The following ATP2B3 variants were observed in gnomAD, a reference collection of about 807,000 sequenced individuals.
The protein encoded by ATP2B3 is plasma membrane calcium-transporting ATPase 3.
Under a neutral mutation model 70.8 loss-of-function variants are expected in ATP2B3, and 12 were observed. The observed-to-expected ratio is 0.17, with a 90% CI of 0.11 to 0.27. ATP2B3 has a LOEUF of 0.27. ATP2B3 is among the 10% of genes least tolerant of loss of function. The probability of loss-of-function intolerance (pLI) is 1.00; values close to 1 mark genes in which losing one functional copy is unlikely to be tolerated. For synonymous variants in ATP2B3, 460 were observed against 497.8 expected, an observed-to-expected ratio of 0.92 and a Z score of 1.01; for missense variants, 858 against 1,118.5, an observed-to-expected ratio of 0.77 and a Z score of 3.32.
At chrX:153,565,537 A>G (rs1557017912) in intron 21 of ATP2B3, among the ~76,000 whole-genome samples, 4 of 112,397 alleles carry the variant, frequency 3.6e-5, no homozygotes, top group African/African-American at 1.3e-4. Flanking sequence ...GACACTGTAA[A>G]TGCGATGGGG....
chrX:153,559,806 G>A lies in ATP2B3; in HGVS notation c.2703G>A (p.Thr901=), dbSNP rs782020723. The change falls in exon 18 of 22, where the codon ACG becomes ACA. Residue 901 remains threonine, a synonymous_variant. Coordinates refer to ENST00000263519, the MANE Select transcript of ATP2B3 (RefSeq NM_001001344.3). ...CATTTGCCTCTCTGGCCCTGGCGAC[G>A]GAGCCACCCACAGAGTCGCTGCTGC... ...MDTFASLALA[T]EPPTESLLLR... The A allele has an allele frequency of 5.7e-5, 69 of 1,210,241 alleles. No homozygotes were observed. The South Asian group carries it at 8.3e-4, about 15-fold the overall frequency.
intron 3 of ATP2B3, among the ~76,000 whole-genome samples, chrX:153,540,539 G>C (rs782712123): frequency 7.1e-5 from 8 of 111,937 alleles, no homozygotes; most frequent in Non-Finnish European, 1.5e-4. Flanking sequence ...GCTCCCTGTT[G>C]CCAGCAGCCA....
chrX:153,569,566 G>A (rs376674744), intron 21 of ATP2B3: 13 of 1,204,471 alleles, frequency 1.1e-5, no homozygotes, highest in Non-Finnish European at 1.5e-5. Context: ...CTGGACAACA[G>A]TGCAAGCCAA....
intron 12 of ATP2B3, among the ~76,000 whole-genome samples, chrX:153,552,282 G>A (rs1157690859): frequency 8.9e-6 from 1 of 112,209 alleles, no homozygotes; most frequent in Non-Finnish European, 1.9e-5. Flanking sequence ...TGAGGGTTCC[G>A]TGGGTGAATC....
intron 21 of ATP2B3, among the ~76,000 whole-genome samples, chrX:153,567,647 A>T (rs2090728460): frequency 8.9e-6 from 1 of 112,682 alleles, no homozygotes; most frequent in Non-Finnish European, 1.9e-5. Context: ...CCTGGCTAGT[A>T]GAAGCGAGTC....
At chrX:153,533,410 C>T (rs998348752) in intron 2 of ATP2B3, among the ~76,000 whole-genome samples, 24 of 110,922 alleles carry the variant, frequency 2.2e-4, no homozygotes, top group African/African-American at 7.5e-4. Context: ...GGCGTGCGGT[C>T]GGGGCTCAGA....
rs181539158 is a variant in ATP2B3, at chrX:153,560,878, C to A, written c.3042C>A (p.Phe1014Leu). The change falls in exon 19 of 22, where the codon TTC (phenylalanine) becomes TTA (leucine). Residue 1014 changes from phenylalanine to leucine, a missense_variant. Physicochemically the swap from Phe to Leu is conservative, Grantham distance 22. Transcript: ENST00000263519. ...TCTGCACCATCGTTTTGGGCACTTT[C>A]GGGATTCAGGTAGGAGGGGCGGCTC... is the stretch of plus-strand genomic sequence containing the variant. ...PIFCTIVLGTFGIQIVIVQFG... is the reference protein window; with the variant it reads ...PIFCTIVLGTLGIQIVIVQFG... The A allele has an allele frequency of 8.3e-7, 1 of 1,211,661 alleles. No homozygotes were observed. The highest frequency in any genetic ancestry group is 1.1e-6 in the Non-Finnish European group (1 of 895,397).
chrX:153,533,374 G>A (rs1005992939), intron 2 of ATP2B3, among the ~76,000 whole-genome samples: 1 of 112,051 alleles, frequency 8.9e-6, no homozygotes, highest in South Asian at 3.7e-4. Context: ...ATTCATCGGA[G>A]GTCAGCAGGT....
At chrX:153,529,606 G>A (rs1488790442) in intron 2 of ATP2B3, among the ~76,000 whole-genome samples, 3 of 111,922 alleles carry the variant, frequency 2.7e-5, no homozygotes, top group Non-Finnish European at 3.8e-5. Context: ...TTTTAAGTGT[G>A]CGGCCCAGGG....
At chrX:153,563,673 G>A (rs782339978) in intron 20 of ATP2B3, among the ~76,000 whole-genome samples, 62 of 112,253 alleles carry the variant, frequency 5.5e-4, no homozygotes, top group African/African-American at 1.8e-3. Flanking sequence ...TCTAACCACA[G>A]CCCAGAGGGG....
At chrX:153,535,178 G>T (rs144285559) in intron 2 of ATP2B3, among the ~76,000 whole-genome samples, 4,250 of 113,066 alleles carry the variant, frequency 0.038, 91 homozygotes, top group Middle Eastern at 0.073. Flanking sequence ...GGCCCTAGCG[G>T]ATCCTTGGGT....
chrX:153,569,290 C>T lies in ATP2B3; in HGVS notation c.3342+4187C>T, dbSNP rs782510864. On this transcript the variant is annotated intron_variant, in intron 21 of 21. Coordinates refer to ENST00000263519, the MANE Select transcript of ATP2B3 (RefSeq NM_001001344.3). The stretch of plus-strand genomic sequence containing the variant: ...CAAGGTTGAGAACTATGAAGTACTT[C>T]CTGATAAGTGGCTTGCAAGGGGCAT... 2.1e-5 allele frequency: 11 copies of T among 522,464 alleles called. No homozygotes were observed. The Middle Eastern group carries it at 9.8e-4, about 46-fold the overall frequency. The allele number at this position is 522,464 out of a possible 1,213,427, so 43.1% of individuals were successfully genotyped here.
At chrX:153,542,617 G>A (rs1031650670) in intron 6 of ATP2B3, among the ~76,000 whole-genome samples, 169 bp downstream of exon 6, 3 of 113,056 alleles carry the variant, frequency 2.7e-5, no homozygotes, top group Non-Finnish European at 5.6e-5. Flanking sequence ...AGGCCTGATG[G>A]TGGCAGCTCC....
intron 11 of ATP2B3, 23 bp downstream of exon 11, chrX:153,549,762 G>A (rs781818687): frequency 1.0e-5 from 12 of 1,197,605 alleles, no homozygotes; most frequent in Admixed American, 2.2e-5. Flanking sequence ...AGGAGCGGGC[G>A]GGCAGGGCCG....
chrX:153,551,519 T>C (rs2090456832), intron 12 of ATP2B3, among the ~76,000 whole-genome samples: 1 of 112,007 alleles, frequency 8.9e-6, no homozygotes, highest in Non-Finnish European at 1.9e-5. Context: ...CTGTGGCCTG[T>C]CTTCACTCTC....
intron 10 of ATP2B3, 111 bp downstream of exon 10, chrX:153,548,965 G>C: frequency 1.3e-6 from 1 of 761,916 alleles, no homozygotes; most frequent in Non-Finnish European, 1.9e-6. Flanking sequence ...ATAGCTCAAG[G>C]GAGGAGAGGA....
rs369701657 is a variant in ATP2B3, at chrX:153,549,774, G to T, written c.1581+35G>T. 2.5e-4 allele frequency: 293 copies of T among 1,191,329 alleles called. No homozygotes were observed. In the Middle Eastern group the frequency reaches 0.011, roughly 45 times the overall value. On this transcript the variant is annotated intron_variant, in intron 11 of 21. Coordinates refer to ENST00000263519, the MANE Select transcript of ATP2B3 (RefSeq NM_001001344.3). ...GGCAGGAGCGGGCGGGCAGGGCCGG[G>T]GGCAGGAGCAGGGGAGGGTCCTGGC...
chrX:153,554,366 G>C (rs781862022), intron 13 of ATP2B3, among the ~76,000 whole-genome samples: 1 of 113,405 alleles, frequency 8.8e-6, no homozygotes, highest in Admixed American at 9.2e-5. Context: ...GAGCCATCGA[G>C]TCCCTCTGTT....
chrX:153,522,509 T>C (rs983372795), intron 2 of ATP2B3, among the ~76,000 whole-genome samples: 1 of 111,556 alleles, frequency 9.0e-6, no homozygotes, highest in African/African-American at 3.3e-5. Context: ...GGCTACCATA[T>C]GGGACAGTGC....
Sources: allele counts gnomAD v4.1 joint callset (sites outside exome capture counted in the v4.1 genomes callset), GRCh38; gene constraint gnomAD v4.1.1; transcripts MANE v1.5; gene names NCBI Gene and HGNC (gene_info 2026-07-23, HGNC 2026-07-21).